The following SNX29 variants were observed in gnomAD, a reference collection of about 807,000 sequenced individuals.
SNX29 encodes sorting nexin 29, also known as sorting nexin-29.
In SNX29, 78 loss-of-function variants were observed where a neutral mutation model predicts 102.1. The ratio of observed to expected loss-of-function variants is 0.76; its 90% confidence interval spans 0.64 to 0.92. The LOEUF is 0.92. Ranked by LOEUF, SNX29 falls within the 40% of genes least tolerant of loss-of-function variation. SNX29 has a pLI of 0.00. For missense variants in SNX29, 1,280 were observed against 1,061.7 expected (o/e 1.21, Z -2.86); for synonymous variants, 580 against 414.5 (o/e 1.40, Z -4.85).
intron 15 of SNX29, among the ~76,000 whole-genome samples, chr16:12,291,165 A>G (rs2079780273): frequency 6.6e-6 from 1 of 151,950 alleles, no homozygotes; most frequent in Non-Finnish European, 1.5e-5. Context: ...GGTTGACATC[A>G]TTTTTGGTAG....
intron 11 of SNX29, among the ~76,000 whole-genome samples, chr16:12,084,142 A>G (rs966278889): frequency 1.4e-5 from 2 of 146,378 alleles, no homozygotes; most frequent in African/African-American, 2.6e-5. Context: ...GTTATGAAAA[A>G]GTTAATTTTT....
intron 20 of SNX29, among the ~76,000 whole-genome samples, chr16:12,525,335 A>G (rs2076749759): frequency 6.6e-6 from 1 of 152,096 alleles, no homozygotes; most frequent in South Asian, 2.1e-4. Flanking sequence ...AAAGTAAAAA[A>G]AAAAAAAAAT....
chr16:12,394,825 T>C (rs755940155), intron 16 of SNX29, among the ~76,000 whole-genome samples: 1 of 152,198 alleles, frequency 6.6e-6, no homozygotes, highest in Non-Finnish European at 1.5e-5. Flanking sequence ...CAGTGATCTC[T>C]CTTGTCCTTG....
rs1237800724 is a variant in SNX29 at position 12,329,291 on chromosome 16, A to AAAAG, written c.1783-26869_1783-26868insGAAA. On this transcript the variant is annotated intron_variant, in intron 15 of 20. Transcript: ENST00000566228. ...GACCTTGTCTCAAAAAAAAAAAAAA[A>AAAAG]AAAAGTGAAAAAATACCCCCAGTAG... 6.6e-5 allele frequency among the ~76,000 whole-genome samples: 10 copies of AAAAG among 151,262 alleles called. No individual in the cohort carries two copies. In the East Asian group the frequency reaches 1.9e-3, roughly 29 times the overall value.
At chr16:12,296,263 C>G (rs184078765) in intron 15 of SNX29, among the ~76,000 whole-genome samples, 1 of 152,120 alleles carries the variant, frequency 6.6e-6, no homozygotes. Flanking sequence ...TATTTTAAAG[C>G]AAAGTGGTGG....
intron 20 of SNX29, among the ~76,000 whole-genome samples, chr16:12,549,562 A>AC (rs552724195): frequency 1.0e-3 from 153 of 152,264 alleles, no homozygotes; most frequent in Non-Finnish European, 1.7e-3. Context: ...GTGGGCTTCC[A>AC]CCCTGGGACC....
At chr16:12,524,667 A>C (rs1302388436) in intron 19 of SNX29, 35 bp from the exon 20 acceptor site, 1 of 1,606,716 alleles carries the variant, frequency 6.2e-7, no homozygotes, top group Non-Finnish European at 8.5e-7. Context: ...GGTGAGGAAG[A>C]CGTACCAAAG....
At chr16:12,029,986 G>C (rs1425247977) in intron 4 of SNX29, among the ~76,000 whole-genome samples, 2 of 152,168 alleles carry the variant, frequency 1.3e-5, no homozygotes, top group East Asian at 1.9e-4. Flanking sequence ...GAATATACCA[G>C]AGACACAGTT....
chr16:12,168,607 G>C (rs527423605), intron 13 of SNX29, among the ~76,000 whole-genome samples: 1 of 152,182 alleles, frequency 6.6e-6, no homozygotes, highest in Non-Finnish European at 1.5e-5. Context: ...TAGCACAGGG[G>C]CATTGGCGTG....
At chr16:12,181,384 C>G (rs2076381024) in intron 13 of SNX29, among the ~76,000 whole-genome samples, 1 of 152,188 alleles carries the variant, frequency 6.6e-6, no homozygotes, top group African/African-American at 2.4e-5. Flanking sequence ...GAAGGCGGGA[C>G]AACTCGAAGC....
At chr16:12,240,542 C>A (rs780992297) in intron 14 of SNX29, among the ~76,000 whole-genome samples, 4 of 141,406 alleles carry the variant, frequency 2.8e-5, no homozygotes, top group South Asian at 2.3e-4. Context: ...TTTTTTGATG[C>A]GGCTGTGCTT....
chr16:12,150,900 C>T (rs529115763), intron 13 of SNX29, among the ~76,000 whole-genome samples: 12 of 152,236 alleles, frequency 7.9e-5, no homozygotes, highest in South Asian at 2.1e-4. Context: ...GGTATGAGGC[C>T]GGATAGGACC....
chr16:12,264,671 A>C (rs1486151810), intron 14 of SNX29, among the ~76,000 whole-genome samples: 1 of 151,960 alleles, frequency 6.6e-6, no homozygotes, highest in Non-Finnish European at 1.5e-5. Flanking sequence ...AGTTCCACCT[A>C]CTTGGGAGGC....
At position 12,023,596 on chromosome 16, in the gene SNX29, A is replaced by G. The variant is rs574107490; in HGVS notation, c.123-3724A>G. Among the ~76,000 whole-genome samples the G allele has an allele frequency of 3.4e-5, 5 of 146,562 alleles. No homozygotes were observed. In the East Asian group the frequency reaches 9.7e-4, roughly 28 times the overall value. On this transcript the variant is annotated intron_variant, in intron 3 of 20. Coordinates refer to ENST00000566228, the MANE Select transcript of SNX29 (RefSeq NM_032167.5). ...CTGTCTCAAAAAAAAAAAAGAAAAG[A>G]AAAGAAAAGAAAAGAAAGAACTCTA...
intron 15 of SNX29, among the ~76,000 whole-genome samples, chr16:12,282,512 A>G (rs573286238): frequency 3.2e-4 from 48 of 152,294 alleles, no homozygotes; most frequent in South Asian, 1.2e-3. Flanking sequence ...TCTCCAGCAT[A>G]TAGTAGGAGA....
chr16:12,084,056 A>G lies in SNX29; in HGVS notation c.1402+5141A>G, dbSNP rs184336535. On this transcript the variant is annotated intron_variant, in intron 11 of 20. Transcript: ENST00000566228. ...CTTGTGGTTATTTACTACTGAAGAG[A>G]AGATGGTGTATCCAGACCCACATGA... 9.3e-3 allele frequency among the ~76,000 whole-genome samples: 1,418 copies of G among 152,264 alleles called. 24 individuals are homozygous for G. The highest frequency in any genetic ancestry group is 0.01 in the Non-Finnish European group (710 of 68,032).
chr16:12,379,620 T>C (rs2083002514), intron 16 of SNX29, among the ~76,000 whole-genome samples: 1 of 151,868 alleles, frequency 6.6e-6, no homozygotes, highest in Non-Finnish European at 1.5e-5. Context: ...TAAAGGGAGG[T>C]GATTATAAAA....
intron 19 of SNX29, among the ~76,000 whole-genome samples, chr16:12,517,966 C>G (rs2089937447): frequency 6.6e-6 from 1 of 151,946 alleles, no homozygotes; most frequent in South Asian, 2.1e-4. Flanking sequence ...CTTGGGGCTG[C>G]TAACATATTA....
At chr16:12,148,010 G>C (rs78415362) in intron 13 of SNX29, among the ~76,000 whole-genome samples, 3,784 of 152,304 alleles carry the variant, frequency 0.025, 93 homozygotes, top group African/African-American at 0.063. Flanking sequence ...GAGCAAACCA[G>C]AGTTCGCTGA....
Sources: gnomAD v4.1 joint callset for allele counts (sites outside exome capture counted in the v4.1 genomes callset) on GRCh38, gnomAD v4.1.1 for gene constraint, MANE v1.5 for transcripts, NCBI Gene and HGNC (gene_info 2026-07-23, HGNC 2026-07-21) for gene names.